The following SORCS2 variants were observed in gnomAD, a reference collection of about 807,000 sequenced individuals.
SORCS2 encodes VPS10 domain-containing receptor SorCS2.
A neutral mutation model predicts 141.6 loss-of-function variants in SORCS2; 100 were observed. That is an observed-to-expected ratio of 0.71 (90% CI 0.60 to 0.83). SORCS2 has a LOEUF of 0.83. Ranked by LOEUF, SORCS2 falls within the 40% of genes least tolerant of loss-of-function variation. The pLI, the probability that SORCS2 is intolerant of heterozygous loss-of-function variation, is 0.00. For synonymous variants in SORCS2, 789 were observed against 676.9 expected (o/e 1.17, Z -2.57); for missense variants, 1,646 against 1,560.2 (o/e 1.05, Z -0.93).
intron 2 of SORCS2, among the ~76,000 whole-genome samples, chr4:7,445,934 A>T (rs1439135572): frequency 2.0e-5 from 3 of 151,948 alleles, no homozygotes; most frequent in Non-Finnish European, 2.9e-5. Context: ...GCCCAGGCCC[A>T]CCCCTCACAC....
At chr4:7,445,355 T>G (rs1727919454) in intron 2 of SORCS2, among the ~76,000 whole-genome samples, 1 of 151,502 alleles carries the variant, frequency 6.6e-6, no homozygotes, top group African/African-American at 2.4e-5. Flanking sequence ...GAGCCAGGGT[T>G]GATGGGGGAG....
rs576948480 is a variant in SORCS2 at position 7,480,364 on chromosome 4, C to T, written c.549-51166C>T. Among the ~76,000 whole-genome samples the T allele has an allele frequency of 2.0e-3, 300 of 152,294 alleles. 3 individuals are homozygous for T. Among genetic ancestry groups the T allele is most frequent in the African/African-American group, 6.8e-3 (281 of 41,556 alleles). ...AGATGGACATGGAGAAGTGACATTC[C>T]CAAACTCTTCCAGCCACTCCTTCCC... On this transcript the variant is annotated intron_variant, in intron 2 of 26. Coordinates refer to ENST00000507866, the MANE Select transcript of SORCS2 (RefSeq NM_020777.3).
intron 3 of SORCS2, among the ~76,000 whole-genome samples, chr4:7,576,819 G>A (rs1715782593): frequency 6.6e-6 from 1 of 152,210 alleles, no homozygotes; most frequent in Admixed American, 6.5e-5. Flanking sequence ...TGTAAGAACT[G>A]GAGCCAGCCT....
intron 1 of SORCS2, among the ~76,000 whole-genome samples, chr4:7,369,262 G>C (rs1454539841): frequency 6.6e-6 from 1 of 152,222 alleles, no homozygotes; most frequent in African/African-American, 2.4e-5. Flanking sequence ...AGTGATCCAA[G>C]ATCACACTGC....
intron 1 of SORCS2, among the ~76,000 whole-genome samples, chr4:7,302,042 G>T (rs1214540698): frequency 1.3e-5 from 2 of 152,242 alleles, no homozygotes; most frequent in Non-Finnish European, 2.9e-5. Context: ...GGCAGTGGGT[G>T]GGTAGGCCAA....
At chr4:7,361,717 G>A (rs760766284) in intron 1 of SORCS2, among the ~76,000 whole-genome samples, 1 of 152,070 alleles carries the variant, frequency 6.6e-6, no homozygotes, top group African/African-American at 2.4e-5. Flanking sequence ...GGACCCCACT[G>A]CAGGCAGCTG....
chr4:7,308,463 C>T (rs887418492), intron 1 of SORCS2, among the ~76,000 whole-genome samples: 3 of 152,260 alleles, frequency 2.0e-5, no homozygotes, highest in East Asian at 3.9e-4. Context: ...GCTCTTCTTC[C>T]GATGCCAGGT....
At chr4:7,321,943 G>C (rs937135415) in intron 1 of SORCS2, among the ~76,000 whole-genome samples, 2 of 152,222 alleles carry the variant, frequency 1.3e-5, no homozygotes, top group South Asian at 4.1e-4. Context: ...GGCGTGGCTT[G>C]GTGTGCATTT....
chr4:7,321,642 T>C (rs895396790), intron 1 of SORCS2, among the ~76,000 whole-genome samples: 1 of 152,100 alleles, frequency 6.6e-6, no homozygotes, highest in African/African-American at 2.4e-5. Flanking sequence ...GAATTCTGAG[T>C]GGGCACAAGA....
intron 1 of SORCS2, among the ~76,000 whole-genome samples, chr4:7,361,256 C>T (rs182595386): frequency 5.3e-5 from 8 of 152,294 alleles, no homozygotes; most frequent in East Asian, 1.9e-4. Context: ...TGAGACTCCT[C>T]GTGGAAATAT....
intron 3 of SORCS2, among the ~76,000 whole-genome samples, chr4:7,539,930 C>T (rs1284226863): frequency 1.3e-5 from 2 of 151,078 alleles, no homozygotes; most frequent in Admixed American, 1.3e-4. Flanking sequence ...CACCCCCTTC[C>T]TGCTGTGAAG....
intron 17 of SORCS2, 108 bp from the exon 18 acceptor site, chr4:7,717,904 G>A: frequency 8.0e-7 from 1 of 1,250,650 alleles, no homozygotes; most frequent in Non-Finnish European, 1.1e-6. Context: ...CTAGGGGTGG[G>A]AAGCCAAGTG....
chr4:7,543,850 G>GTCCATCTGTCCATCCA (rs1712982936), intron 3 of SORCS2, among the ~76,000 whole-genome samples: 1 of 11,380 alleles, frequency 8.8e-5, no homozygotes, highest in Non-Finnish European at 1.9e-4. Flanking sequence ...CCACTCATCC[G>GTCCATCTGTCCATCCA]TCCATCCATC....
chr4:7,665,025 G>A (rs549675356), intron 7 of SORCS2, among the ~76,000 whole-genome samples: 21 of 152,320 alleles, frequency 1.4e-4, no homozygotes, highest in Middle Eastern at 6.8e-3. Flanking sequence ...TGAGTAGCCC[G>A]TCACTGGCCT....
chr4:7,350,687 A>C (rs1361986607), intron 1 of SORCS2, among the ~76,000 whole-genome samples: 1 of 152,178 alleles, frequency 6.6e-6, no homozygotes, highest in Non-Finnish European at 1.5e-5. Flanking sequence ...GGGAGGCCTG[A>C]GATTTTCACC....
In SORCS2 at chr4:7,638,472, G is replaced by A. The variant is rs770400192; in HGVS notation, c.793G>A (p.Ala265Thr). Residue 265 changes from alanine (A) to threonine (T), a missense_variant, in exon 4 of 27, where the codon GCC becomes ACC. Transcript: ENST00000507866. ...CCCTAAGGAGGAGGACAAGGTCCTC[G>A]CCTACACAAAGGAGAGCAAGGTAAG... Reference protein sequence around the residue: ...FHPKEEDKVLAYTKESKLYVS... With the variant: ...FHPKEEDKVLTYTKESKLYVS... 9.3e-5 allele frequency: 149 copies of A among 1,609,180 alleles called. No homozygotes were observed. The East Asian group carries it at 2.9e-3, about 31-fold the overall frequency.
intron 1 of SORCS2, among the ~76,000 whole-genome samples, chr4:7,387,993 TGCACACAC>T (rs1723568016): frequency 1.3e-5 from 1 of 74,348 alleles, no homozygotes; most frequent in African/African-American, 6.4e-5. Context: ...CATGCACACA[TGCACACAC>T]ATGCACATGC....
chr4:7,360,548 C>T (rs112158963), intron 1 of SORCS2, among the ~76,000 whole-genome samples: 54 of 144,588 alleles, frequency 3.7e-4, no homozygotes, highest in African/African-American at 1.3e-3. Context: ...GTGCTGCTTC[C>T]CTAAATACCC....
At chr4:7,204,894 G>A (rs764675350) in intron 1 of SORCS2, among the ~76,000 whole-genome samples, 13 of 152,232 alleles carry the variant, frequency 8.5e-5, no homozygotes, top group African/African-American at 2.2e-4. Context: ...TGCTCGGCGC[G>A]GCCGCGCTTG....
Sources: gnomAD v4.1 joint callset for allele counts (sites outside exome capture counted in the v4.1 genomes callset) on GRCh38, gnomAD v4.1.1 for gene constraint, MANE v1.5 for transcripts, NCBI Gene and HGNC (gene_info 2026-07-23, HGNC 2026-07-21) for gene names.